Variants in FHAD1 observed in about 807,000 individuals in gnomAD.
The protein encoded by FHAD1 is forkhead-associated domain-containing protein 1.
A neutral mutation model predicts 191.3 loss-of-function variants in FHAD1; 146 were observed. The observed-to-expected ratio is 0.76, with a 90% CI of 0.67 to 0.88. FHAD1 has a LOEUF of 0.88. FHAD1 is among the 40% of genes least tolerant of loss of function. The probability of loss-of-function intolerance (pLI) is 0.00; values close to 1 mark genes in which losing one functional copy is unlikely to be tolerated. For missense variants in FHAD1, 1,635 were observed against 1,785.8 expected (o/e 0.92, Z 1.52); for synonymous variants, 616 against 672.3 (o/e 0.92, Z 1.29).
In FHAD1 at chr1:15,305,787, A is replaced by G. The variant is rs74752401; in HGVS notation, c.916-2826A>G. On this transcript the variant is annotated intron_variant, in intron 6 of 33. Coordinates refer to ENST00000688493, the MANE Select transcript of FHAD1 (RefSeq NM_001391957.1). ...TAAGAAGTGCTTTTCGCCTCCCACC[A>G]TGATTCTGAGGCCTCCCCGGCCATG... 3.7e-3 allele frequency: 1,663 copies of G among 447,750 alleles called. 22 individuals carry two copies. Among genetic ancestry groups the G allele is most frequent in the African/African-American group, 0.031 (1,515 of 48,990 alleles). The allele number at this position is 447,750 out of a possible 1,614,324, so 27.7% of individuals were successfully genotyped here. A position where few individuals can be genotyped will look rare whatever the true frequency, so the allele number is the denominator to read the frequency against.
At chr1:15,367,667 T>G in intron 25 of FHAD1, 45 bp downstream of exon 25, 1 of 1,496,500 alleles carries the variant, frequency 6.7e-7, no homozygotes, top group Non-Finnish European at 9.0e-7. Flanking sequence ...TTGCCTGCCG[T>G]GGGGAGCCGC....
intron 23 of FHAD1, among the ~76,000 whole-genome samples, chr1:15,364,984 C>T (rs1000794864): frequency 1.3e-5 from 2 of 152,220 alleles, no homozygotes; most frequent in East Asian, 1.9e-4. Flanking sequence ...GTCCCATCAC[C>T]ATCACTGTCC....
chr1:15,324,844 C>T (rs1677731257), intron 11 of FHAD1: 1 of 467,740 alleles, frequency 2.1e-6, no homozygotes, highest in Admixed American at 3.3e-5. Context: ...GTTAACCGAG[C>T]TCCTTGCCCC....
chr1:15,361,551 G>A (rs77318494), intron 22 of FHAD1, among the ~76,000 whole-genome samples: 221 of 152,162 alleles, frequency 1.5e-3, no homozygotes, highest in African/African-American at 5.1e-3. Flanking sequence ...CCAATCTCAT[G>A]TAGGCACTCA....
intron 2 of FHAD1, among the ~76,000 whole-genome samples, chr1:15,268,355 A>G (rs1381427822): frequency 6.6e-6 from 1 of 151,642 alleles, no homozygotes; most frequent in Non-Finnish European, 1.5e-5. Flanking sequence ...ATAGTATTCA[A>G]TGGTGTATAT....
At chr1:15,274,651 T>A (rs1657574994) in intron 3 of FHAD1, among the ~76,000 whole-genome samples, 1 of 152,122 alleles carries the variant, frequency 6.6e-6, no homozygotes, top group African/African-American at 2.4e-5. Flanking sequence ...ATAGTTTATA[T>A]TTTGTTAGTG....
Position 15,381,267 on chromosome 1 carries a change from A to T in FHAD1, c.3838A>T (p.Asn1280Tyr). Residue 1280 changes from asparagine (N) to tyrosine (Y), a missense_variant, in exon 30 of 34, where the codon AAC (asparagine) becomes TAC (tyrosine). Transcript: ENST00000688493. The surrounding 1 kb of genome is among the most constrained non-coding windows in gnomAD (Gnocchi z 4.6). The part of the protein sequence containing the change: ...DMSKTLGSLM[N>Y]IKNMSGHVSM... Reference sequence around the variant, plus strand: ...GAGCAAAACCCTCGGAAGTCTCATGAACATCAAGAATATGTCAGGCCACGT... The same window carrying T: ...GAGCAAAACCCTCGGAAGTCTCATGTACATCAAGAATATGTCAGGCCACGT... The T allele has an allele frequency of 1.3e-6, 2 of 1,551,684 alleles. No individual in the cohort carries two copies. Among genetic ancestry groups the T allele is most frequent in the Non-Finnish European group, 1.7e-6 (2 of 1,146,980 alleles).
Position 15,329,679 on chromosome 1 carries a change from C to A in FHAD1, c.1906+138C>A. ...TTCCCTTCTCCAGAACCCCCTGCTT[C>A]TCTGCTTGAGGCGTAATTTTCCATT... On this transcript the variant is annotated intron_variant, in intron 14 of 33. Transcript: ENST00000688493. This position sits in a 1 kb window ranked among gnomAD's most constrained non-coding sequence, Gnocchi z 5.0. The A allele has an allele frequency of 4.6e-6, 3 of 658,892 alleles. No homozygotes were observed. The highest frequency in any genetic ancestry group is 7.4e-6 in the Non-Finnish European group (3 of 405,142). The allele number at this position is 658,892 out of a possible 1,614,324, so 40.8% of individuals were successfully genotyped here. A position where few individuals can be genotyped will look rare whatever the true frequency, so the allele number is the denominator to read the frequency against.
rs770381539 is a variant in FHAD1, at chr1:15,276,187, C to A, written c.300+3658C>A. 2.6e-5 allele frequency among the ~76,000 whole-genome samples: 4 copies of A among 152,198 alleles called. No individual in the cohort carries two copies. Among genetic ancestry groups the A allele is most frequent in the Non-Finnish European group, 4.4e-5 (3 of 68,040 alleles). On this transcript the variant is annotated intron_variant, in intron 3 of 33. Coordinates refer to ENST00000688493, the MANE Select transcript of FHAD1 (RefSeq NM_001391957.1). The surrounding 1 kb of genome is among the most constrained non-coding windows in gnomAD (Gnocchi z 4.7). ...GTTCCCATTTCTGTAAAATTGGAAT[C>A]CTAATAGTTCCTCATGTGGGGTTAC...
chr1:15,281,686 A>G (rs1660633983), intron 3 of FHAD1, among the ~76,000 whole-genome samples: 1 of 146,882 alleles, frequency 6.8e-6, no homozygotes, highest in Admixed American at 6.9e-5. Context: ...GCTTGAACCC[A>G]GGAGACGGAG....
chr1:15,380,802 T>C lies in FHAD1; in HGVS notation c.3801+6T>C. ...TAGAGCTCAGTGAAAAGCTGGTATG[T>C]ACATCCAGCATCCACCCTGCTCCTA... is the stretch of plus-strand genomic sequence containing the variant. On this transcript the variant is annotated splice_donor_region_variant and intron_variant, in intron 29 of 33. Coordinates refer to ENST00000688493, the MANE Select transcript of FHAD1 (RefSeq NM_001391957.1). 6.4e-7 allele frequency: 1 copy of C among 1,550,690 alleles called. No individual in the cohort carries two copies. Among genetic ancestry groups the C allele is most frequent in the Non-Finnish European group, 8.7e-7 (1 of 1,146,314 alleles).
At chr1:15,368,532 T>A (rs1407141959) in intron 25 of FHAD1, among the ~76,000 whole-genome samples, 1 of 152,026 alleles carries the variant, frequency 6.6e-6, no homozygotes, top group Non-Finnish European at 1.5e-5. Flanking sequence ...AAAAAAAGAG[T>A]TTGACTGAAA....
intron 11 of FHAD1, chr1:15,326,736 A>C: frequency 4.6e-6 from 1 of 218,570 alleles, no homozygotes; most frequent in Non-Finnish European, 9.0e-6. Flanking sequence ...CAATTACGGA[A>C]GAGCGCTCCC....
At chr1:15,243,370 T>C (rs1358406482), upstream of FHAD1, among the ~76,000 whole-genome samples, 2 of 152,232 alleles carry the variant, frequency 1.3e-5, no homozygotes, top group African/African-American at 2.4e-5. Context: ...TCCGTCACCC[T>C]GCGCAACAGC....
intron 19 of FHAD1, among the ~76,000 whole-genome samples, chr1:15,350,286 G>A (rs1690393874): frequency 1.3e-5 from 2 of 152,228 alleles, no homozygotes; most frequent in Non-Finnish European, 2.9e-5. Context: ...GCGGAAGCAG[G>A]GGCGGCTCCA....
At chr1:15,249,258 G>C (rs1235359630) in intron 1 of FHAD1, among the ~76,000 whole-genome samples, 2 of 151,266 alleles carry the variant, frequency 1.3e-5, no homozygotes, top group African/African-American at 4.9e-5. Flanking sequence ...CTACCGCAAG[G>C]CACCAGCTGT....
chr1:15,270,117 G>A (rs1413157223), intron 2 of FHAD1, among the ~76,000 whole-genome samples: 1 of 151,896 alleles, frequency 6.6e-6, no homozygotes, highest in Non-Finnish European at 1.5e-5. Flanking sequence ...CACCATGTTG[G>A]CCAGGCTGGT....
At chr1:15,306,945 C>T (rs1442480517) in intron 6 of FHAD1, among the ~76,000 whole-genome samples, 1 of 152,198 alleles carries the variant, frequency 6.6e-6, no homozygotes, top group African/African-American at 2.4e-5. Context: ...GGCCCCCGTC[C>T]TCCAGACCCC....
intron 31 of FHAD1, among the ~76,000 whole-genome samples, chr1:15,385,130 T>A (rs1701817821): frequency 1.8e-5 from 1 of 57,074 alleles, no homozygotes; most frequent in South Asian, 5.2e-4. Flanking sequence ...GGGGAAAATC[T>A]TTTTTTTTTT....
Sources: allele counts gnomAD v4.1 joint callset (sites outside exome capture counted in the v4.1 genomes callset), GRCh38; gene constraint gnomAD v4.1.1; non-coding constraint Gnocchi (gnomAD v3.1); transcripts MANE v1.5; gene names NCBI Gene and HGNC (gene_info 2026-07-23, HGNC 2026-07-21).